Variants in SPAG11B observed in about 807,000 individuals in gnomAD.
SPAG11B encodes sperm-associated antigen 11B.
SPAG11B carries 5 observed loss-of-function variants against 8.9 expected under a neutral mutation model. The ratio of observed to expected loss-of-function variants is 0.56; its 90% confidence interval spans 0.29 to 1.19. The LOEUF (loss-of-function observed/expected upper bound fraction) is 1.19. SPAG11B is among the 50% of genes most tolerant of loss of function. The pLI is 0.08. For missense variants in SPAG11B, 38 were observed against 146.4 expected, an observed-to-expected ratio of 0.26 and a Z score of 3.82; for synonymous variants, 12 against 53.0, an observed-to-expected ratio of 0.23 and a Z score of 3.36.
intron 2 of SPAG11B, among the ~76,000 whole-genome samples, chr8:7,458,674 TAAAAAAAAA>T (rs750698777): frequency 3.6e-5 from 3 of 82,412 alleles, no homozygotes; most frequent in African/African-American, 1.6e-4. Flanking sequence ...CCAAAAATAG[TAAAAAAAAA>T]AAAAAAAAAT....
chr8:7,453,800 C>T (rs1263154894), intron 2 of SPAG11B, among the ~76,000 whole-genome samples: 2 of 148,462 alleles, frequency 1.3e-5, no homozygotes, highest in African/African-American at 5.1e-5. Context: ...GACAATGTGC[C>T]CTGGCAGGGA....
downstream of SPAG11B, among the ~76,000 whole-genome samples, chr8:7,450,369 G>C (rs1810039967): frequency 6.8e-6 from 1 of 146,822 alleles, no homozygotes; most frequent in Non-Finnish European, 1.5e-5. Flanking sequence ...GCTGGGTGTG[G>C]TAAGAAAGAT....
intron 2 of SPAG11B, among the ~76,000 whole-genome samples, chr8:7,459,118 G>C (rs1325132711): frequency 4.7e-5 from 4 of 84,340 alleles, no homozygotes; most frequent in Non-Finnish European, 8.3e-5. Context: ...AGAATTGCTT[G>C]AACCTGGGAG....
chr8:7,459,651 C>T (rs969170530), intron 2 of SPAG11B, among the ~76,000 whole-genome samples: 2 of 142,066 alleles, frequency 1.4e-5, no homozygotes, highest in African/African-American at 5.1e-5. Context: ...AGTACCCTGA[C>T]CTTTATGCTT....
intron 2 of SPAG11B, among the ~76,000 whole-genome samples, chr8:7,453,609 G>A (rs1220227096): frequency 1.1e-4 from 17 of 150,332 alleles, no homozygotes; most frequent in Admixed American, 2.0e-4. Flanking sequence ...TGTCTTCTGC[G>A]TTATTTAACC....
At chr8:7,453,633 C>A (rs1309187604) in intron 2 of SPAG11B, among the ~76,000 whole-genome samples, 1 of 150,354 alleles carries the variant, frequency 6.7e-6, no homozygotes, top group Non-Finnish European at 1.5e-5. Context: ...CTACAACAAC[C>A]ATATCTCACC....
intron 2 of SPAG11B, among the ~76,000 whole-genome samples, chr8:7,455,966 T>TG (rs200599226): frequency 0.18 from 20,355 of 112,190 alleles, 11 homozygotes; most frequent in East Asian, 0.31. Flanking sequence ...AAAAGTCAGC[T>TG]GGGGTTTCTC....
chr8:7,458,671 T>C (rs1248289611), intron 2 of SPAG11B, among the ~76,000 whole-genome samples: 2 of 73,186 alleles, frequency 2.7e-5, no homozygotes, highest in Admixed American at 1.3e-4. Flanking sequence ...AATCCAAAAA[T>C]AGTAAAAAAA....
chr8:7,449,446 C>G (rs1809992058), downstream of SPAG11B, among the ~76,000 whole-genome samples: 2 of 146,588 alleles, frequency 1.4e-5, no homozygotes, highest in Non-Finnish European at 3.0e-5. Flanking sequence ...GCGTTTCACT[C>G]TGAGCCAAGG....
chr8:7,448,302 C>CAAA (rs71221492), downstream of SPAG11B, among the ~76,000 whole-genome samples: 24 of 48,842 alleles, frequency 4.9e-4, no homozygotes, highest in East Asian at 7.3e-4. Flanking sequence ...AACAAGTGGT[C>CAAA]AAAAAAAAAA....
At chr8:7,453,495 C>G (rs1378754963) in intron 2 of SPAG11B, among the ~76,000 whole-genome samples, 1 of 146,874 alleles carries the variant, frequency 6.8e-6, no homozygotes, top group African/African-American at 2.6e-5. Flanking sequence ...TTTATGTAAG[C>G]AATAGCAGAC....
rs577377993 is a variant in SPAG11B at position 7,459,524 on chromosome 8, C to T, written c.214+3183G>A. ...TTCATGTGAAAACAGGTGGGAAGAG[C>T]TGAGACACACTCCCCGCACAATCCC... On this transcript the variant is annotated intron_variant, in intron 2 of 2. Transcript: ENST00000398462. Among the ~76,000 whole-genome samples, 84 of 148,984 alleles carry T rather than the reference C, an allele frequency of 5.6e-4. 4 individuals are homozygous for T. The highest frequency in any genetic ancestry group is 2.0e-3 in the African/African-American group (82 of 40,676).
intron 2 of SPAG11B, among the ~76,000 whole-genome samples, chr8:7,452,650 A>G (rs1810249827): frequency 2.5e-5 from 1 of 39,538 alleles, no homozygotes; most frequent in African/African-American, 1.1e-4. Context: ...TGCTAGAGAC[A>G]TGGTTGTGTA....
downstream of SPAG11B, among the ~76,000 whole-genome samples, chr8:7,449,948 G>A (rs970979801): frequency 3.0e-5 from 4 of 132,652 alleles, no homozygotes; most frequent in African/African-American, 9.0e-5. Flanking sequence ...ACAAATTCAA[G>A]CAGGATCCAG....
downstream of SPAG11B, among the ~76,000 whole-genome samples, chr8:7,448,548 G>T (rs1389230869): frequency 1.2e-3 from 173 of 149,866 alleles, no homozygotes; most frequent in African/African-American, 4.1e-3. Context: ...ATATCCCAGA[G>T]GGGCGGAACA....
Position 7,450,901 on chromosome 8 carries a change from C to A in SPAG11B, c.215-1G>T, listed in dbSNP as rs756691048. On this transcript the variant is annotated splice_acceptor_variant, in intron 2 of 2. Coordinates refer to ENST00000398462, the MANE Select transcript of SPAG11B (RefSeq NM_058201.4). LOFTEE classifies it high-confidence loss of function. ...TTTCTAATTCCCGGTGGAACATCCC[C>A]TATGGATACAACAGAAGAGAGTTGA... 1.3e-6 allele frequency: 2 copies of A among 1,554,342 alleles called. No homozygotes were observed. The highest frequency in any genetic ancestry group is 2.2e-5 in the East Asian group (1 of 44,512).
At chr8:7,451,122 A>C (rs1168296805) in intron 2 of SPAG11B, 1 of 1,555,326 alleles carries the variant, frequency 6.4e-7, no homozygotes, top group South Asian at 1.1e-5. Flanking sequence ...ATGAATGCTC[A>C]CCTGGCCCAT....
chr8:7,451,846 C>G (rs1810203620), intron 2 of SPAG11B, among the ~76,000 whole-genome samples: 1 of 151,564 alleles, frequency 6.6e-6, no homozygotes, highest in South Asian at 2.1e-4. Flanking sequence ...AGTTTGAAGA[C>G]CTACTATGAC....
chr8:7,451,208 A>T (rs758847509), intron 2 of SPAG11B: 1 of 1,541,506 alleles, frequency 6.5e-7, no homozygotes, highest in Admixed American at 1.8e-5. Flanking sequence ...CACTAGAAGG[A>T]AACAAAGGGA....
Sources: gnomAD v4.1 joint callset for allele counts (sites outside exome capture counted in the v4.1 genomes callset) on GRCh38, gnomAD v4.1.1 for gene constraint, MANE v1.5 for transcripts, NCBI Gene and HGNC (gene_info 2026-07-23, HGNC 2026-07-21) for gene names.